Variants in BRSK1 observed in about 807,000 individuals in gnomAD.
BRSK1 encodes serine/threonine-protein kinase BRSK1.
Under a neutral mutation model 86.2 loss-of-function variants are expected in BRSK1, and 17 were observed. That is an observed-to-expected ratio of 0.20 (90% CI 0.14 to 0.30). BRSK1 has a LOEUF of 0.30. Among genes scored for constraint, BRSK1 ranks in the 10% least tolerant of loss-of-function variants. The pLI, the probability that BRSK1 is intolerant of heterozygous loss-of-function variation, is 1.00. For synonymous variants in BRSK1, 464 were observed against 440.1 expected, an observed-to-expected ratio of 1.05 and a Z score of -0.68; for missense variants, 719 against 1,071.9, an observed-to-expected ratio of 0.67 and a Z score of 4.60.
intron 1 of BRSK1, among the ~76,000 whole-genome samples, chr19:55,285,857 T>C (rs188812478): frequency 1.9e-4 from 29 of 151,844 alleles, no homozygotes; most frequent in Admixed American, 6.6e-4. Context: ...AAGGAGAGGG[T>C]CAAAGTCCCA....
chr19:55,302,574 G>A lies in BRSK1; in HGVS notation c.858-123G>A, dbSNP rs552020399. The A allele has an allele frequency of 1.3e-5, 17 of 1,280,414 alleles. No individual in the cohort carries two copies. Among genetic ancestry groups the A allele is most frequent in the Non-Finnish European group, 1.8e-5 (17 of 920,566 alleles). 79.3% of individuals were successfully genotyped at this position (1,280,414 alleles called of 1,614,324 possible). On this transcript the variant is annotated intron_variant, in intron 9 of 18. Transcript: ENST00000309383. The surrounding 1 kb of genome is among the most constrained non-coding windows in gnomAD (Gnocchi z 6.3). ...GAGGTCTGGGGCGTCTGGATTCCTG[G>A]GTATGAGAGAGAAGGGGCCGGGGCC... is the stretch of plus-strand genomic sequence containing the variant.
At chr19:55,301,725 G>A (rs1219350120) in intron 8 of BRSK1, 67 bp downstream of exon 8, 2 of 1,542,438 alleles carry the variant, frequency 1.3e-6, no homozygotes, top group Admixed American at 3.9e-5. Context: ...CCCTAGAAAA[G>A]TCATGGGGAT....
chr19:55,303,879 C>T lies in BRSK1; in HGVS notation c.1286+53C>T, dbSNP rs1450408442. 5 of 1,533,832 alleles carry T rather than the reference C, an allele frequency of 3.3e-6. No homozygotes were observed. Among genetic ancestry groups the T allele is most frequent in the African/African-American group, 1.4e-5 (1 of 72,276 alleles). ...TCCACAATCCCTGGGTCTAGGAGTT[C>T]AAGATTCTAACCCCAGCTCTACCTC... On this transcript the variant is annotated intron_variant, in intron 12 of 18. Transcript: ENST00000309383. The surrounding 1 kb of genome is among the most constrained non-coding windows in gnomAD (Gnocchi z 5.1).
chr19:55,284,246 C>A lies in BRSK1; in HGVS notation c.-197C>A. 6.4e-6 allele frequency: 3 copies of A among 468,910 alleles called. No homozygotes were observed. Among genetic ancestry groups the A allele is most frequent in the Non-Finnish European group, 1.0e-5 (3 of 296,340 alleles). 29.0% of individuals were successfully genotyped at this position (468,910 alleles called of 1,614,324 possible). On this transcript the variant is annotated 5_prime_UTR_variant, in exon 1 of 19. Transcript: ENST00000309383. ...TGCTGACTCCCGGGGCCTGACCCCC[C>A]CGGGCCAGCCCCCCCTCCCCCAGCT...
intron 17 of BRSK1, 67 bp from the exon 18 acceptor site, chr19:55,308,572 C>T (rs1317753274): frequency 1.7e-6 from 2 of 1,203,050 alleles, no homozygotes; most frequent in Non-Finnish European, 2.5e-6. Flanking sequence ...CTGGGTTCTG[C>T]AGGCTGGGAC....
chr19:55,296,108 T>C (rs2088482680), intron 7 of BRSK1, among the ~76,000 whole-genome samples: 1 of 152,128 alleles, frequency 6.6e-6, no homozygotes, highest in African/African-American at 2.4e-5. Context: ...CTCTGCTCAG[T>C]TGTCACATTT....
At position 55,289,590 on chromosome 19, in the gene BRSK1, C is replaced by T; in HGVS notation, c.428C>T (p.Ala143Val). The T allele has an allele frequency of 6.2e-7, 1 of 1,614,042 alleles. No individual in the cohort carries two copies. Among genetic ancestry groups the T allele is most frequent in the Non-Finnish European group, 8.5e-7 (1 of 1,179,980 alleles). The part of the protein sequence containing the change: ...ARKFFRQIVS[A>V]LDFCHSYSIC... ...AAGTTCTTCCGCCAGATTGTGTCTG[C>T]GCTGGACTTCTGCCACAGCTACTCC... is the stretch of plus-strand genomic sequence containing the variant. Residue 143 changes from alanine (A) to valine (V), a missense_variant, in exon 4 of 19, where the codon GCG (alanine) becomes GTG (valine). Physicochemically the swap from Ala to Val is moderately conservative, Grantham distance 64 (BLOSUM62 0). Transcript: ENST00000309383.
rs1443079742 is a variant in BRSK1 at position 55,306,193 on chromosome 19, C to T, written c.1891-59C>T. 1.3e-6 allele frequency: 2 copies of T among 1,569,990 alleles called. No homozygotes were observed. Among genetic ancestry groups the T allele is most frequent in the East Asian group, 2.3e-5 (1 of 44,320 alleles). On this transcript the variant is annotated intron_variant, in intron 16 of 18. Transcript: ENST00000309383. This position sits in a 1 kb window ranked among gnomAD's most constrained non-coding sequence, Gnocchi z 4.7. ...TCGTAGTTCCTTGGCCAGAGCTGGT[C>T]GTGGGGCTGGGTATCCATTTCCTGG...
At chr19:55,297,999 G>C (rs888325613) in intron 7 of BRSK1, among the ~76,000 whole-genome samples, 5 of 151,824 alleles carry the variant, frequency 3.3e-5, no homozygotes, top group African/African-American at 9.7e-5. Context: ...ATTTTTAGTA[G>C]AGATGGGGTT....
chr19:55,289,416 G>A, intron 3 of BRSK1, 64 bp from the exon 4 acceptor site: 1 of 1,540,654 alleles, frequency 6.5e-7, no homozygotes, highest in Non-Finnish European at 8.8e-7. Flanking sequence ...GTGGAAGTGG[G>A]AGACCAGGCC....
Position 55,305,410 on chromosome 19 carries a change from T to C in BRSK1, c.1766+41T>C, listed in dbSNP as rs201878612. 1,141 of 1,613,972 alleles carry C rather than the reference T, an allele frequency of 7.1e-4. 2 individuals are homozygous for C. Among genetic ancestry groups the C allele is most frequent in the Non-Finnish European group, 9.1e-4 (1,072 of 1,179,952 alleles). On this transcript the variant is annotated intron_variant, in intron 15 of 18. Coordinates refer to ENST00000309383, the MANE Select transcript of BRSK1 (RefSeq NM_032430.2). Reference sequence around the variant, plus strand: ...AAGGAAAGAGTGGGGATGCAGGGGATTCATGCCCTCGGCGCCTTCCTAACC... The same window carrying C: ...AAGGAAAGAGTGGGGATGCAGGGGACTCATGCCCTCGGCGCCTTCCTAACC...
rs988947390 is a variant in BRSK1 at position 55,301,694 on chromosome 19, G to A, written c.825+36G>A. The stretch of plus-strand genomic sequence containing the variant: ...GGGGGGACCGGCGGAGGGGGGAACA[G>A]TGGCCGATGAAGACAGAACCCCCTA... On this transcript the variant is annotated intron_variant, in intron 8 of 18. Coordinates refer to ENST00000309383, the MANE Select transcript of BRSK1 (RefSeq NM_032430.2). 5.6e-6 allele frequency: 9 copies of A among 1,600,890 alleles called. No homozygotes were observed. In the African/African-American group the frequency reaches 1.1e-4, roughly 19 times the overall value.
intron 7 of BRSK1, among the ~76,000 whole-genome samples, chr19:55,296,140 C>A (rs1203477144): frequency 6.6e-6 from 1 of 151,968 alleles, no homozygotes; most frequent in Non-Finnish European, 1.5e-5. Flanking sequence ...CCCCTGCCCC[C>A]ACTCCTCCTC....
Position 55,299,371 on chromosome 19 carries a change from G to GT in BRSK1, c.679-2130dup, listed in dbSNP as rs869145852. The stretch of plus-strand genomic sequence containing the variant: ...TGTATTGTTGTTATAATTTGTTTTG[G>GT]TTTTTTTTTTTGTTTTGTTTTTTGT... On this transcript the variant is annotated intron_variant, in intron 7 of 18. Coordinates refer to ENST00000309383, the MANE Select transcript of BRSK1 (RefSeq NM_032430.2). Among the ~76,000 whole-genome samples the GT allele has an allele frequency of 2.6e-3, 344 of 132,576 alleles. 1 individual carries two copies. The highest frequency in any genetic ancestry group is 6.0e-3 in the African/African-American group (205 of 34,002). 87.0% of individuals were successfully genotyped at this position (132,576 alleles called of 152,430 possible).
Position 55,284,322 on chromosome 19 carries a change from G to T in BRSK1, c.-121G>T. The T allele has an allele frequency of 1.2e-6, 1 of 839,814 alleles. No homozygotes were observed. The highest frequency in any genetic ancestry group is 6.0e-5 in the South Asian group (1 of 16,738). The allele number at this position is 839,814 out of a possible 1,614,324, so 52.0% of individuals were successfully genotyped here. ...CAGCCCAGCCCCCTGGGGACCCCCG[G>T]AGAGGTGGGGGGCAGCCGGGGGGGC... On this transcript the variant is annotated 5_prime_UTR_variant, in exon 1 of 19. Coordinates refer to ENST00000309383, the MANE Select transcript of BRSK1 (RefSeq NM_032430.2).
In BRSK1 at chr19:55,303,598, G is replaced by A; in HGVS notation, c.1127-69G>A. 1 of 1,548,092 alleles carries A rather than the reference G, an allele frequency of 6.5e-7. No individual in the cohort carries two copies. The highest frequency in any genetic ancestry group is 8.7e-7 in the Non-Finnish European group (1 of 1,143,342). On this transcript the variant is annotated intron_variant, in intron 11 of 18. Transcript: ENST00000309383. The surrounding 1 kb of genome is among the most constrained non-coding windows in gnomAD (Gnocchi z 5.1). The stretch of plus-strand genomic sequence containing the variant: ...CTAGGCCTGTTTCCCCATGTGTGCA[G>A]TTTCTGAGGCAGTTGTACACAGCTG...
Position 55,287,028 on chromosome 19 carries a change from A to G in BRSK1, c.158A>G (p.His53Arg). 1 of 1,613,938 alleles carries G rather than the reference A, an allele frequency of 6.2e-7. No individual in the cohort carries two copies. The highest frequency in any genetic ancestry group is 8.5e-7 in the Non-Finnish European group (1 of 1,179,952). The change falls in exon 2 of 19, where the codon CAC (histidine) becomes CGC (arginine). Residue 53 changes from histidine to arginine, a missense_variant. This residue lies in a region of BRSK1 where 71 missense variants were observed against 92.6 expected (regional missense o/e 0.77). Coordinates refer to ENST00000309383, the MANE Select transcript of BRSK1 (RefSeq NM_032430.2). The surrounding 1 kb of genome is among the most constrained non-coding windows in gnomAD (Gnocchi z 5.3). ...GCAGGGCTGGTTAAACTCGGGGTCC[A>G]CTGCATCACGGGTCAGAAGGTCGCC... Reference protein sequence around the residue: ...GQTGLVKLGVHCITGQKVAIK... With the variant: ...GQTGLVKLGVRCITGQKVAIK...
chr19:55,299,526 C>T (rs968731263), intron 7 of BRSK1, among the ~76,000 whole-genome samples: 4 of 151,740 alleles, frequency 2.6e-5, no homozygotes, highest in Non-Finnish European at 4.4e-5. Flanking sequence ...GCTGGGATTA[C>T]AGGCGCCCGC....
intron 18 of BRSK1, among the ~76,000 whole-genome samples, chr19:55,309,947 C>T (rs889912876): frequency 3.3e-5 from 5 of 152,168 alleles, no homozygotes; most frequent in African/African-American, 9.7e-5. Flanking sequence ...CCTCACAGGA[C>T]CCATGCCCCT....
Sources: gnomAD v4.1 joint callset for allele counts (sites outside exome capture counted in the v4.1 genomes callset) on GRCh38, gnomAD v4.1.1 for gene constraint, gnomAD v4.1.1 regional missense constraint, Gnocchi (gnomAD v3.1) non-coding constraint, MANE v1.5 for transcripts, NCBI Gene and HGNC (gene_info 2026-07-23, HGNC 2026-07-21) for gene names.